The following COL28A1 variants were observed in gnomAD, a reference collection of about 807,000 sequenced individuals.
COL28A1 encodes collagen type XXVIII alpha 1 chain, also known as collagen alpha-1(XXVIII) chain.
COL28A1 carries 161 observed loss-of-function variants against 150.2 expected under a neutral mutation model. The observed-to-expected ratio is 1.07, with a 90% CI of 0.94 to 1.22. The LOEUF (loss-of-function observed/expected upper bound fraction) is 1.22, where lower values mean the gene tolerates loss of function less well. Among genes scored for constraint, COL28A1 ranks in the 50% most tolerant of loss-of-function variants. The pLI, the probability that COL28A1 is intolerant of heterozygous loss-of-function variation, is 0.00. For missense variants in COL28A1, 1,617 were observed against 1,388.3 expected (o/e 1.16, Z -2.62); for synonymous variants, 552 against 469.7 (o/e 1.18, Z -2.26).
intron 17 of COL28A1, 140 bp from the exon 18 acceptor site, chr7:7,452,527 G>A: frequency 7.8e-7 from 1 of 1,287,440 alleles, no homozygotes; most frequent in Non-Finnish European, 1.0e-6. Flanking sequence ...AATCCCTTCG[G>A]GGGATGGATT....
At chr7:7,524,142 C>G (rs1244363062) in intron 4 of COL28A1, 87 bp downstream of exon 4, 4 of 822,966 alleles carry the variant, frequency 4.9e-6, no homozygotes, top group Non-Finnish European at 8.4e-6. Flanking sequence ...TTTAGTCACA[C>G]TTAATCTTCT....
At chr7:7,404,776 G>C (rs1355935007) in intron 27 of COL28A1, among the ~76,000 whole-genome samples, 1 of 152,104 alleles carries the variant, frequency 6.6e-6, no homozygotes, top group Non-Finnish European at 1.5e-5. Context: ...GCTAATAGAA[G>C]CAATATCCAC....
chr7:7,355,547 T>A (rs1421848565), downstream of COL28A1, among the ~76,000 whole-genome samples: 1 of 150,784 alleles, frequency 6.6e-6, no homozygotes, highest in African/African-American at 2.4e-5. Context: ...GAGGTGGAGG[T>A]TGCAGTGAGC....
At chr7:7,454,363 A>C (rs2128332263) in intron 16 of COL28A1, among the ~76,000 whole-genome samples, 1 of 152,326 alleles carries the variant, frequency 6.6e-6, no homozygotes, top group East Asian at 1.9e-4. Context: ...ACAGAGGTTA[A>C]ATTTAAGTAG....
chr7:7,476,802 T>C (rs1379945294), intron 14 of COL28A1, among the ~76,000 whole-genome samples: 1 of 152,222 alleles, frequency 6.6e-6, no homozygotes, highest in Non-Finnish European at 1.5e-5. Context: ...ACTCGATGAT[T>C]TAACTTCTGG....
chr7:7,403,088 G>A (rs895891344), intron 27 of COL28A1, among the ~76,000 whole-genome samples: 1 of 152,146 alleles, frequency 6.6e-6, no homozygotes, highest in Non-Finnish European at 1.5e-5. Flanking sequence ...TGTACCATGG[G>A]AGCACAGGCT....
chr7:7,367,634 C>T (rs1781004347), intron 33 of COL28A1, among the ~76,000 whole-genome samples: 1 of 152,072 alleles, frequency 6.6e-6, no homozygotes, highest in Admixed American at 6.5e-5. Flanking sequence ...TCCCCAGCTA[C>T]TAGAAAGCTT....
chr7:7,345,019 C>A, the COL28A1 span, among the ~76,000 whole-genome samples: 4 of 151,832 alleles, frequency 2.6e-5, no homozygotes, highest in Admixed American at 2.6e-4. Flanking sequence ...CACACACACA[C>A]ACACCCCTTT....
chr7:7,382,841 G>A (rs755282558), intron 27 of COL28A1, among the ~76,000 whole-genome samples: 2 of 152,084 alleles, frequency 1.3e-5, no homozygotes, highest in Non-Finnish European at 2.9e-5. Flanking sequence ...TTTGCCATAA[G>A]TCTGCTAAAG....
At chr7:7,409,279 G>A (rs1478891136) in intron 27 of COL28A1, among the ~76,000 whole-genome samples, 2 of 152,080 alleles carry the variant, frequency 1.3e-5, no homozygotes, top group Non-Finnish European at 2.9e-5. Context: ...CTATAAAGGT[G>A]GTAGGAGCAG....
intron 13 of COL28A1, among the ~76,000 whole-genome samples, chr7:7,484,061 G>A (rs1779495098): frequency 6.6e-6 from 1 of 151,910 alleles, no homozygotes; most frequent in South Asian, 2.1e-4. Context: ...AGAAATAATA[G>A]CTAAGAACTT....
Position 7,381,619 on chromosome 7 carries a change from A to G in COL28A1, c.2137-7T>C, listed in dbSNP as rs1317053890. ...CTTGTGGTCCTTGTTCCCCCTACAT[A>G]GGATATGAGAAAGAGATGTTCTATT... On this transcript the variant is annotated splice_polypyrimidine_tract_variant and splice_region_variant and intron_variant, in intron 27 of 34. Transcript: ENST00000399429. The G allele has an allele frequency of 6.2e-7, 1 of 1,609,000 alleles. No homozygotes were observed. Among genetic ancestry groups the G allele is most frequent in the Non-Finnish European group, 8.5e-7 (1 of 1,175,390 alleles).
chr7:7,382,411 C>T (rs1781923358), intron 27 of COL28A1, among the ~76,000 whole-genome samples: 2 of 151,978 alleles, frequency 1.3e-5, no homozygotes, highest in African/African-American at 4.8e-5. Context: ...TATGTAATTC[C>T]CTTTATACTG....
At chr7:7,435,354 A>T (rs949803494) in intron 23 of COL28A1, among the ~76,000 whole-genome samples, 1 of 152,212 alleles carries the variant, frequency 6.6e-6, no homozygotes, top group African/African-American at 2.4e-5. Context: ...TGAGCTGTCT[A>T]TATAGCTTGT....
rs1394322206 is a variant in COL28A1 at position 7,358,025 on chromosome 7, G to A, written c.*608C>T. On this transcript the variant is annotated 3_prime_UTR_variant, in exon 35 of 35. Transcript: ENST00000399429. Reference sequence around the variant, plus strand: ...CATGTTGGAGGAATACAAAGTGACAGTCTGTGATACATTTAAGTAATTGTA... The same window carrying A: ...CATGTTGGAGGAATACAAAGTGACAATCTGTGATACATTTAAGTAATTGTA... 1 of 152,210 alleles carries A rather than the reference G, an allele frequency of 6.6e-6. No individual in the cohort carries two copies. The highest frequency in any genetic ancestry group is 1.5e-5 in the Non-Finnish European group (1 of 68,050). The allele number at this position is 152,210 out of a possible 1,614,324, so 9.4% of individuals were successfully genotyped here.
chr7:7,511,672 C>A (rs762772811), intron 8 of COL28A1: 7 of 461,176 alleles, frequency 1.5e-5, no homozygotes, highest in South Asian at 1.1e-4. Context: ...TAGTAGTGTT[C>A]ACCTGGAGAA....
At position 7,419,971 on chromosome 7, in the gene COL28A1, A is replaced by T. The variant is rs945292201; in HGVS notation, c.1999-18T>A. The T allele has an allele frequency of 1.7e-5, 26 of 1,542,330 alleles. No individual in the cohort carries two copies. The highest frequency in any genetic ancestry group is 2.1e-5 in the Non-Finnish European group (24 of 1,144,448). ...GGCTCTCCCTGAAAAGACACAACAA[A>T]TAACAAGTTACTAATTTTTTAAAGA... On this transcript the variant is annotated intron_variant, in intron 25 of 34. Coordinates refer to ENST00000399429, the MANE Select transcript of COL28A1 (RefSeq NM_001037763.3).
chr7:7,486,312 C>T (rs551051467), intron 13 of COL28A1, among the ~76,000 whole-genome samples: 4 of 152,258 alleles, frequency 2.6e-5, no homozygotes, highest in African/African-American at 4.8e-5. Context: ...CCTTGCTGAA[C>T]TCACTTGTTA....
In COL28A1 at chr7:7,373,311, C is replaced by T. The variant is rs748336955; in HGVS notation, c.2595G>A (p.Val865=). The change falls in exon 32 of 35, where the codon GTG becomes GTA. Residue 865 remains valine, a synonymous_variant. Transcript: ENST00000399429. This position sits in a 1 kb window ranked among gnomAD's most constrained non-coding sequence, Gnocchi z 4.1. ...CTTCCCCCAGATACTGCATGTTGTC[C>T]ACAGCCAACTTGAAGTCATCCTTGC... ...FSSKDDFKLA[V]DNMQYLGEGT... is the part of the protein sequence containing the mutation. The T allele has an allele frequency of 3.7e-6, 6 of 1,614,174 alleles. No homozygotes were observed. The highest frequency in any genetic ancestry group is 5.1e-6 in the Non-Finnish European group (6 of 1,180,042).
Sources: allele counts gnomAD v4.1 joint callset (sites outside exome capture counted in the v4.1 genomes callset), GRCh38; gene constraint gnomAD v4.1.1; non-coding constraint Gnocchi (gnomAD v3.1); transcripts MANE v1.5; gene names NCBI Gene and HGNC (gene_info 2026-07-23, HGNC 2026-07-21).